Variants in CACNA1D observed in about 807,000 individuals in gnomAD.
The protein encoded by CACNA1D is voltage-dependent L-type calcium channel subunit alpha-1D.
In CACNA1D, 55 loss-of-function variants were observed where a neutral mutation model predicts 257.1. That is an observed-to-expected ratio of 0.21 (90% CI 0.17 to 0.27). The LOEUF is 0.27. Ranked by LOEUF, CACNA1D falls within the 10% of genes least tolerant of loss-of-function variation. The pLI is 1.00. For synonymous variants in CACNA1D, 980 were observed against 1,014.9 expected (o/e 0.97, Z 0.65); for missense variants, 1,876 against 2,784.0 (o/e 0.67, Z 7.34).
chr3:53,598,903 T>A (rs2093406322), intron 3 of CACNA1D, among the ~76,000 whole-genome samples: 1 of 152,200 alleles, frequency 6.6e-6, no homozygotes, highest in Non-Finnish European at 1.5e-5. Context: ...TTGGGACAGC[T>A]GAGAAACTTC....
Position 53,572,322 on chromosome 3 carries a change from C to T in CACNA1D, c.483+70602C>T, listed in dbSNP as rs575861811. On this transcript the variant is annotated intron_variant, in intron 3 of 47. Coordinates refer to ENST00000350061, the MANE Select transcript of CACNA1D (RefSeq NM_001128840.3). ...GGATTTCTTTTTATCCCTCTACCATCGAAATCATCAACTTTTTTGGCCCTC... is the reference window on the plus strand; with the variant it reads ...GGATTTCTTTTTATCCCTCTACCATTGAAATCATCAACTTTTTTGGCCCTC... Among the ~76,000 whole-genome samples, 11 of 152,192 alleles carry T rather than the reference C, an allele frequency of 7.2e-5. No homozygotes were observed. The South Asian group carries it at 1.0e-3, about 14-fold the overall frequency.
At chr3:53,598,390 A>G (rs1326818314) in intron 3 of CACNA1D, among the ~76,000 whole-genome samples, 2 of 151,700 alleles carry the variant, frequency 1.3e-5, no homozygotes, top group African/African-American at 4.8e-5. Context: ...AGCCTAACCA[A>G]CATGGCACAA....
In CACNA1D at chr3:53,561,208, G is replaced by A. The variant is rs546378289; in HGVS notation, c.483+59488G>A. Reference sequence around the variant, plus strand: ...CAAAGCTGTTGCTCTTCACACTCTAGGATGGCACAAATCTCCTTTTTTTCT... The same window carrying A: ...CAAAGCTGTTGCTCTTCACACTCTAAGATGGCACAAATCTCCTTTTTTTCT... On this transcript the variant is annotated intron_variant, in intron 3 of 47. Coordinates refer to ENST00000350061, the MANE Select transcript of CACNA1D (RefSeq NM_001128840.3). 7.2e-5 allele frequency among the ~76,000 whole-genome samples: 11 copies of A among 152,254 alleles called. No homozygotes were observed. In the South Asian group the frequency reaches 2.3e-3, roughly 32 times the overall value.
chr3:53,668,732 C>T (rs2094293786), intron 7 of CACNA1D, among the ~76,000 whole-genome samples: 1 of 152,190 alleles, frequency 6.6e-6, no homozygotes, highest in African/African-American at 2.4e-5. Context: ...TACATGGTCA[C>T]CTCAGCAACT....
At chr3:53,725,694 A>G (rs11719179) in intron 14 of CACNA1D, among the ~76,000 whole-genome samples, 31,131 of 152,104 alleles carry the variant, frequency 0.2, 3,435 homozygotes, top group Non-Finnish European at 0.23. Flanking sequence ...AGTGAGGTTG[A>G]ACGTCTTTTC....
chr3:53,509,655 T>C (rs1449838740), intron 3 of CACNA1D, among the ~76,000 whole-genome samples: 2 of 151,936 alleles, frequency 1.3e-5, no homozygotes, highest in Non-Finnish European at 2.9e-5. Flanking sequence ...TGTGGTGGGA[T>C]CCCGGTCTTG....
rs1327418838 is a variant in CACNA1D, at chr3:53,495,592, C to A, written c.67+359C>A. On this transcript the variant is annotated intron_variant, in intron 1 of 47. Coordinates refer to ENST00000350061, the MANE Select transcript of CACNA1D (RefSeq NM_001128840.3). The surrounding 1 kb of genome is among the most constrained non-coding windows in gnomAD (Gnocchi z 5.1). ...GGGCCGCAAGTCTTCAGCCGGAGCC[C>A]CCTTGCCAGCCTCTTCTCGCCTTCC... is the stretch of plus-strand genomic sequence containing the variant. Among the ~76,000 whole-genome samples the A allele has an allele frequency of 6.6e-6, 1 of 152,166 alleles. No individual in the cohort carries two copies. Among genetic ancestry groups the A allele is most frequent in the Admixed American group, 6.5e-5 (1 of 15,286 alleles).
intron 9 of CACNA1D, among the ~76,000 whole-genome samples, chr3:53,711,329 G>A (rs532139263): frequency 5.3e-5 from 8 of 152,314 alleles, no homozygotes; most frequent in Middle Eastern, 3.4e-3. Context: ...GAATGGGCTC[G>A]TGTGGGAAAG....
intron 3 of CACNA1D, among the ~76,000 whole-genome samples, chr3:53,510,625 T>C (rs1367071163): frequency 1.3e-5 from 2 of 152,220 alleles, no homozygotes; most frequent in Non-Finnish European, 2.9e-5. Flanking sequence ...TTAATATCCA[T>C]GTTTATTGCC....
At chr3:53,657,105 T>C (rs191925892) in intron 4 of CACNA1D, among the ~76,000 whole-genome samples, 266 of 152,292 alleles carry the variant, frequency 1.7e-3, no homozygotes, top group African/African-American at 5.8e-3. Context: ...AAAAACTTTA[T>C]TCATAATAGA....
chr3:53,665,252 CTA>C (rs2094250116), intron 5 of CACNA1D, among the ~76,000 whole-genome samples: 1 of 152,170 alleles, frequency 6.6e-6, no homozygotes, highest in Non-Finnish European at 1.5e-5. Flanking sequence ...GTGTTTAATT[CTA>C]TGTCTCCTAG....
Position 53,811,611 on chromosome 3 carries a change from T to C in CACNA1D, c.*205T>C, listed in dbSNP as rs2095601298. 2.0e-6 allele frequency: 1 copy of C among 496,314 alleles called. No individual in the cohort carries two copies. Among genetic ancestry groups the C allele is most frequent in the Non-Finnish European group, 3.5e-6 (1 of 283,014 alleles). The allele number at this position is 496,314 out of a possible 1,614,324, so 30.7% of individuals were successfully genotyped here. A position where few individuals can be genotyped will look rare whatever the true frequency, so the allele number is the denominator to read the frequency against. On this transcript the variant is annotated 3_prime_UTR_variant, in exon 48 of 48. Transcript: ENST00000350061. This position sits in a 1 kb window ranked among gnomAD's most constrained non-coding sequence, Gnocchi z 4.2. ...AGCGGTTGAGCCTGGCAGAGTACCA[T>C]GCGCTCGGCCCCAGCTGCAGGAAAC...
intron 5 of CACNA1D, among the ~76,000 whole-genome samples, chr3:53,665,075 C>G (rs1443875364): frequency 6.6e-6 from 1 of 152,198 alleles, no homozygotes; most frequent in Non-Finnish European, 1.5e-5. Context: ...TGAGTTTGCC[C>G]ACATCCTGCA....
chr3:53,540,414 C>T (rs2092266849), intron 3 of CACNA1D, among the ~76,000 whole-genome samples: 2 of 152,016 alleles, frequency 1.3e-5, no homozygotes, highest in Admixed American at 1.3e-4. Flanking sequence ...GCGTGAGCCA[C>T]CACGCCTGGC....
chr3:53,638,342 C>T (rs2093909997), intron 3 of CACNA1D, among the ~76,000 whole-genome samples: 1 of 152,184 alleles, frequency 6.6e-6, no homozygotes, highest in Non-Finnish European at 1.5e-5. Context: ...AGGGCCTCCT[C>T]CGGGAAGAAT....
chr3:53,533,189 A>G (rs971521087), intron 3 of CACNA1D, among the ~76,000 whole-genome samples: 1 of 152,200 alleles, frequency 6.6e-6, no homozygotes, highest in Non-Finnish European at 1.5e-5. Flanking sequence ...TTGCTTGATT[A>G]TAGTTGCTGG....
At chr3:53,578,746 C>T (rs996733537) in intron 3 of CACNA1D, among the ~76,000 whole-genome samples, 1 of 152,280 alleles carries the variant, frequency 6.6e-6, no homozygotes, top group African/African-American at 2.4e-5. Flanking sequence ...GTGTTCTGTG[C>T]AGTTGCCCAG....
intron 43 of CACNA1D, among the ~76,000 whole-genome samples, chr3:53,802,853 T>A (rs963333436): frequency 6.6e-6 from 1 of 152,100 alleles, no homozygotes. Context: ...ATGAGCCGGG[T>A]TTCAGGGAGA....
At chr3:53,771,450 C>T (rs2095365866) in intron 32 of CACNA1D, among the ~76,000 whole-genome samples, 1 of 152,168 alleles carries the variant, frequency 6.6e-6, no homozygotes, top group African/African-American at 2.4e-5. Context: ...GCATTTGTCC[C>T]TAGTAGATGG....
Sources: gnomAD v4.1 joint callset for allele counts (sites outside exome capture counted in the v4.1 genomes callset) on GRCh38, gnomAD v4.1.1 for gene constraint, Gnocchi (gnomAD v3.1) non-coding constraint, MANE v1.5 for transcripts, NCBI Gene and HGNC (gene_info 2026-07-23, HGNC 2026-07-21) for gene names.